CFAP141: variants seen among roughly 807,000 people sequenced by gnomAD.
CFAP141 encodes cilia and flagella associated protein 141.
chr1:154,206,072 G>C, the CFAP141 span, among the ~76,000 whole-genome samples: 1 of 152,094 alleles, frequency 6.6e-6, no homozygotes, highest in Non-Finnish European at 1.5e-5. Context: ...TTTCAGAATG[G>C]ATCAAAGAAA....
the CFAP141 span, among the ~76,000 whole-genome samples, chr1:154,204,091 CAATAAATA>C: frequency 8.9e-4 from 135 of 151,482 alleles, no homozygotes; most frequent in Non-Finnish European, 1.7e-3. Flanking sequence ...AACTCCATCT[CAATAAATA>C]AATAAATAAA....
the CFAP141 span, among the ~76,000 whole-genome samples, chr1:154,200,872 T>G: frequency 6.6e-6 from 1 of 151,938 alleles, no homozygotes; most frequent in Non-Finnish European, 1.5e-5. Context: ...TTAGTAGAGA[T>G]AGGGTTTCAC....
At chr1:154,200,138 G>T in the CFAP141 span, among the ~76,000 whole-genome samples, 831 of 152,304 alleles carry the variant, frequency 5.5e-3, 5 homozygotes, top group Non-Finnish European at 8.8e-3. Flanking sequence ...GCCCCCCAAA[G>T]TGCTGGGATT....
chr1:154,205,638 T>G, the CFAP141 span: 1 of 1,613,760 alleles, frequency 6.2e-7, no homozygotes, highest in Non-Finnish European at 8.5e-7. Context: ...TTTTGAAAAC[T>G]CTGCAAGAAA....
the CFAP141 span, among the ~76,000 whole-genome samples, chr1:154,203,204 T>TAC: frequency 2.6e-4 from 19 of 74,048 alleles, no homozygotes; most frequent in South Asian, 1.6e-3. Context: ...TATATATATA[T>TAC]ATATATATAT....
At chr1:154,199,418 T>C in the CFAP141 span, 1 of 1,585,862 alleles carries the variant, frequency 6.3e-7, no homozygotes, top group South Asian at 1.1e-5. Flanking sequence ...AGCAGTGTTT[T>C]GGATGCCATC....
chr1:154,200,924 T>G, the CFAP141 span, among the ~76,000 whole-genome samples: 1 of 152,192 alleles, frequency 6.6e-6, no homozygotes, highest in Non-Finnish European at 1.5e-5. Flanking sequence ...CCTCAGGTGA[T>G]CCACCTGCCT....
chr1:154,204,924 A>G, the CFAP141 span, among the ~76,000 whole-genome samples: 1 of 137,554 alleles, frequency 7.3e-6, no homozygotes, highest in Non-Finnish European at 1.5e-5. Context: ...CCCAGGCTGG[A>G]GTGCTGGAGT....
At chr1:154,204,145 T>C in the CFAP141 span, among the ~76,000 whole-genome samples, 1 of 152,194 alleles carries the variant, frequency 6.6e-6, no homozygotes, top group East Asian at 1.9e-4. Context: ...AACATTCTTG[T>C]GTATGTACCT....
At chr1:154,205,268 T>C in the CFAP141 span, among the ~76,000 whole-genome samples, 3 of 152,168 alleles carry the variant, frequency 2.0e-5, no homozygotes, top group Non-Finnish European at 4.4e-5. Context: ...GTTCAACAAA[T>C]ACTGCACTAC....
chr1:154,203,535 CCTT>C, the CFAP141 span, among the ~76,000 whole-genome samples: 628 of 151,642 alleles, frequency 4.1e-3, 4 homozygotes, highest in Non-Finnish European at 6.3e-3. Flanking sequence ...CTCAAGCAAT[CCTT>C]CTACCTCAGC....
the CFAP141 span, among the ~76,000 whole-genome samples, chr1:154,203,796 C>T: frequency 4.7e-5 from 7 of 149,842 alleles, no homozygotes; most frequent in East Asian, 4.2e-4. Flanking sequence ...GTAATCAGGC[C>T]GGGCGTGGTG....
the CFAP141 span, chr1:154,200,358 G>A: frequency 4.7e-6 from 6 of 1,288,512 alleles, no homozygotes; most frequent in South Asian, 2.8e-5. Context: ...AGGCAAACAA[G>A]ATAAATGTGC....
At chr1:154,206,140 C>G in the CFAP141 span, 1 of 841,224 alleles carries the variant, frequency 1.2e-6, no homozygotes, top group South Asian at 1.3e-5. Context: ...TAGACACAGC[C>G]TCCCACTCCT....
chr1:154,201,924 C>A, the CFAP141 span, among the ~76,000 whole-genome samples: 1 of 151,926 alleles, frequency 6.6e-6, no homozygotes, highest in African/African-American at 2.4e-5. Context: ...GCGCCCACCA[C>A]CACGCCCAGG....
chr1:154,199,433 T>C, the CFAP141 span: 2 of 1,568,790 alleles, frequency 1.3e-6, no homozygotes, highest in Non-Finnish European at 1.8e-6. Flanking sequence ...GCCATCAGAA[T>C]CTCTCTACAT....
chr1:154,201,389 G>A, the CFAP141 span, among the ~76,000 whole-genome samples: 1 of 145,502 alleles, frequency 6.9e-6, no homozygotes, highest in African/African-American at 2.7e-5. Flanking sequence ...CTCAAATCCA[G>A]CTTTTTTTTT....
At chr1:154,202,434 A>C in the CFAP141 span, among the ~76,000 whole-genome samples, 1 of 152,226 alleles carries the variant, frequency 6.6e-6, no homozygotes, top group African/African-American at 2.4e-5. Flanking sequence ...ATGTACATAT[A>C]TCTACTGTTG....
At chr1:154,206,315 G>T in the CFAP141 span, 1 of 1,613,770 alleles carries the variant, frequency 6.2e-7, no homozygotes, top group Non-Finnish European at 8.5e-7. Flanking sequence ...CATGTCTATA[G>T]ATTTGCTTGA....
Sources: gnomAD v4.1 joint callset for allele counts (sites outside exome capture counted in the v4.1 genomes callset) on GRCh38, gnomAD v4.1.1 for gene constraint, MANE v1.5 for transcripts, NCBI Gene and HGNC (gene_info 2026-07-23, HGNC 2026-07-21) for gene names.